STIM1: variants seen among roughly 807,000 people sequenced by gnomAD.
The protein encoded by STIM1 is stromal interaction molecule 1.
In STIM1, 25 loss-of-function variants were observed where a neutral mutation model predicts 74.7. The observed-to-expected ratio is 0.33, with a 90% CI of 0.24 to 0.47. The LOEUF (loss-of-function observed/expected upper bound fraction) is 0.47, where lower values mean the gene tolerates loss of function less well. Ranked by LOEUF, STIM1 falls within the 20% of genes least tolerant of loss-of-function variation. The pLI is 1.00. For synonymous variants in STIM1, 328 were observed against 348.8 expected (o/e 0.94, Z 0.66); for missense variants, 728 against 920.8 (o/e 0.79, Z 2.71).
intron 1 of STIM1, among the ~76,000 whole-genome samples, chr11:3,964,626 T>A (rs1223537920): frequency 6.6e-6 from 1 of 152,156 alleles, no homozygotes; most frequent in Non-Finnish European, 1.5e-5. Flanking sequence ...CTTGGTAAAC[T>A]ATTTCCATTA....
At chr11:4,016,060 C>T (rs2093893633) in intron 2 of STIM1, among the ~76,000 whole-genome samples, 1 of 152,220 alleles carries the variant, frequency 6.6e-6, no homozygotes, top group Admixed American at 6.5e-5. Context: ...TCGTTAAACT[C>T]ATCCTCCCTC....
At chr11:4,069,237 C>A (rs1311355558) in intron 5 of STIM1, among the ~76,000 whole-genome samples, 1 of 152,058 alleles carries the variant, frequency 6.6e-6, no homozygotes, top group Non-Finnish European at 1.5e-5. Flanking sequence ...GTGGCTTTTG[C>A]TTTTTATCTT....
At chr11:3,976,216 T>A (rs890224708) in intron 2 of STIM1, among the ~76,000 whole-genome samples, 2 of 152,196 alleles carry the variant, frequency 1.3e-5, no homozygotes, top group Admixed American at 1.3e-4. Flanking sequence ...AACAAAGGCA[T>A]GAACTACTAA....
chr11:3,945,143 A>G (rs923095538), intron 1 of STIM1, among the ~76,000 whole-genome samples: 3 of 152,224 alleles, frequency 2.0e-5, no homozygotes, highest in African/African-American at 7.2e-5. Context: ...CAAGTTACTT[A>G]TCTCTCTGTG....
chr11:4,030,745 T>C (rs1281906333), intron 3 of STIM1, among the ~76,000 whole-genome samples: 1 of 152,224 alleles, frequency 6.6e-6, no homozygotes, highest in Non-Finnish European at 1.5e-5. Flanking sequence ...TTATTTTAAA[T>C]AGACACTTGA....
chr11:3,982,299 G>A (rs2093514075), intron 2 of STIM1, among the ~76,000 whole-genome samples: 1 of 150,786 alleles, frequency 6.6e-6, no homozygotes, highest in African/African-American at 2.4e-5. Context: ...CAAAATCCTG[G>A]GATCGTAAAC....
chr11:4,037,356 A>G (rs1278150118), intron 3 of STIM1, among the ~76,000 whole-genome samples: 1 of 152,086 alleles, frequency 6.6e-6, no homozygotes, highest in East Asian at 1.9e-4. Flanking sequence ...CAGCCTGCAT[A>G]CTTGTTCTAT....
At chr11:3,895,867 CTTTCT>C (rs199623120) in intron 1 of STIM1, among the ~76,000 whole-genome samples, 3 of 75,260 alleles carry the variant, frequency 4.0e-5, no homozygotes, top group Admixed American at 1.6e-4. Context: ...CTCTCTCTCT[CTTTCT>C]TTTCTTTTCT....
intron 2 of STIM1, among the ~76,000 whole-genome samples, chr11:4,014,760 A>G (rs1296998872): frequency 1.3e-5 from 2 of 152,132 alleles, no homozygotes; most frequent in African/African-American, 2.4e-5. Context: ...TATATTTAGG[A>G]TAGTTAGCTC....
chr11:3,929,023 G>A (rs10835312), intron 1 of STIM1, among the ~76,000 whole-genome samples: 37,226 of 151,970 alleles, frequency 0.24, 5,674 homozygotes, highest in South Asian at 0.45. Flanking sequence ...ACAGGTGCGT[G>A]CCACAACGCC....
intron 1 of STIM1, among the ~76,000 whole-genome samples, chr11:3,953,532 T>G (rs1018888338): frequency 6.6e-6 from 1 of 152,174 alleles, no homozygotes; most frequent in African/African-American, 2.4e-5. Flanking sequence ...GGACGTGGTA[T>G]AGGAAGTTAG....
rs117600710 is a variant in STIM1 at position 3,888,026 on chromosome 11, C to G, written c.139+31617C>G. 2.6e-5 allele frequency: 4 copies of G among 151,926 alleles called. No homozygotes were observed. In the East Asian group the frequency reaches 5.8e-4, roughly 22 times the overall value. 9.4% of individuals were successfully genotyped at this position (151,926 alleles called of 1,614,324 possible). A position where few individuals can be genotyped will look rare whatever the true frequency, so the allele number is the denominator to read the frequency against. On this transcript the variant is annotated intron_variant, in intron 1 of 12. Coordinates refer to ENST00000526596, the MANE Select transcript of STIM1 (RefSeq NM_001382567.1). ...TCCAGGAATCTTTTTATCTCCCCACCACCCCTCAAGCAGTGCTGGGCTGAC... is the reference window on the plus strand; with the variant it reads ...TCCAGGAATCTTTTTATCTCCCCACGACCCCTCAAGCAGTGCTGGGCTGAC...
intron 3 of STIM1, among the ~76,000 whole-genome samples, chr11:4,034,133 G>A (rs944099917): frequency 2.0e-5 from 3 of 152,068 alleles, no homozygotes; most frequent in African/African-American, 4.8e-5. Flanking sequence ...GGAGGCTGAG[G>A]CAGGAGAATC....
chr11:3,940,416 G>A (rs962066945), intron 1 of STIM1, among the ~76,000 whole-genome samples: 1 of 152,174 alleles, frequency 6.6e-6, no homozygotes, highest in Non-Finnish European at 1.5e-5. Flanking sequence ...GGCTGAGAAG[G>A]TATAGCAGAA....
intron 1 of STIM1, among the ~76,000 whole-genome samples, chr11:3,944,526 T>C (rs1351440090): frequency 6.6e-6 from 1 of 152,232 alleles, no homozygotes; most frequent in African/African-American, 2.4e-5. Context: ...CAGAGAAATC[T>C]ACAGTTTTTA....
chr11:3,926,028 A>G (rs1590571671), intron 1 of STIM1, among the ~76,000 whole-genome samples: 1 of 152,196 alleles, frequency 6.6e-6, no homozygotes, highest in South Asian at 2.1e-4. Context: ...CAGAGAGCTC[A>G]TATTAGGTAT....
At chr11:3,995,772 G>A (rs1002412448) in intron 2 of STIM1, among the ~76,000 whole-genome samples, 4 of 150,922 alleles carry the variant, frequency 2.7e-5, no homozygotes, top group Admixed American at 1.3e-4. Flanking sequence ...AGCCTCCTGA[G>A]TAATTGGGAC....
At chr11:4,010,076 A>G (rs541390226) in intron 2 of STIM1, among the ~76,000 whole-genome samples, 1 of 152,266 alleles carries the variant, frequency 6.6e-6, no homozygotes, top group Non-Finnish European at 1.5e-5. Flanking sequence ...CGGCCTCCCA[A>G]AGTGCTGGGA....
intron 2 of STIM1, among the ~76,000 whole-genome samples, chr11:3,978,945 A>C (rs1262009173): frequency 1.3e-5 from 2 of 152,082 alleles, no homozygotes; most frequent in Non-Finnish European, 2.9e-5. Flanking sequence ...CTACTAGTTC[A>C]TGTTATGCTG....
Sources: gnomAD v4.1 joint callset for allele counts (sites outside exome capture counted in the v4.1 genomes callset) on GRCh38, gnomAD v4.1.1 for gene constraint, MANE v1.5 for transcripts, NCBI Gene and HGNC (gene_info 2026-07-23, HGNC 2026-07-21) for gene names.